Variants in PTPRD observed in about 807,000 individuals in gnomAD.
The protein encoded by PTPRD is receptor-type tyrosine-protein phosphatase delta.
Under a neutral mutation model 214.5 loss-of-function variants are expected in PTPRD, and 34 were observed. The ratio of observed to expected loss-of-function variants is 0.16; its 90% CI spans 0.12 to 0.21. The LOEUF (loss-of-function observed/expected upper bound fraction) is 0.21, where lower values mean the gene tolerates loss of function less well. PTPRD is among the 10% of genes least tolerant of loss of function. The pLI is 1.00. For missense variants in PTPRD, 2,545 were observed against 2,398.7 expected (o/e 1.06, Z -1.27); for synonymous variants, 1,128 against 845.7 (o/e 1.33, Z -5.79).
chr9:9,806,137 G>A (rs1018637213), intron 5 of PTPRD, among the ~76,000 whole-genome samples: 13 of 152,090 alleles, frequency 8.5e-5, no homozygotes, highest in African/African-American at 3.1e-4. Flanking sequence ...AAGGTTGCTG[G>A]TGTTAGAGTA....
At position 9,486,097 on chromosome 9, in the gene PTPRD, G is replaced by C. The variant is rs775182551; in HGVS notation, c.-236-88615C>G. 2.4e-4 allele frequency among the ~76,000 whole-genome samples: 31 copies of C among 130,340 alleles called. 1 individual carries two copies. Among genetic ancestry groups the C allele is most frequent in the Non-Finnish European group, 4.2e-4 (27 of 64,288 alleles). The allele number at this position is 130,340 out of a possible 152,430, so 85.5% of individuals were successfully genotyped here. On this transcript the variant is annotated intron_variant, in intron 8 of 45. Coordinates refer to ENST00000381196, the MANE Select transcript of PTPRD (RefSeq NM_002839.4). ...ATCCAGGAGGTGGATGTTGTGGTGA[G>C]TCGAGATCACGCCACTGCACTCCAG...
chr9:8,568,204 T>C (rs1457339662), intron 14 of PTPRD, among the ~76,000 whole-genome samples: 2 of 152,202 alleles, frequency 1.3e-5, no homozygotes, highest in South Asian at 2.1e-4. Flanking sequence ...ATTGCAGAGA[T>C]GCTAAGTTAC....
intron 2 of PTPRD, among the ~76,000 whole-genome samples, chr9:10,529,324 G>A (rs1221525857): frequency 6.6e-6 from 1 of 152,018 alleles, no homozygotes; most frequent in Non-Finnish European, 1.5e-5. Context: ...CAACCCAATT[G>A]CCCATCAAGG....
chr9:10,395,781 A>T (rs1307043337), intron 2 of PTPRD, among the ~76,000 whole-genome samples: 1 of 151,942 alleles, frequency 6.6e-6, no homozygotes, highest in Non-Finnish European at 1.5e-5. Flanking sequence ...ACCTGAATGA[A>T]GTGTAATAAT....
intron 3 of PTPRD, among the ~76,000 whole-genome samples, chr9:10,053,205 C>A (rs2097564939): frequency 6.6e-6 from 1 of 152,094 alleles, no homozygotes; most frequent in Admixed American, 6.6e-5. Context: ...TGTTAATAAA[C>A]AAAGATGACC....
intron 3 of PTPRD, among the ~76,000 whole-genome samples, chr9:10,135,943 T>TAA (rs3075566): frequency 7.0e-6 from 1 of 142,090 alleles, no homozygotes. Context: ...TAAGTTGAAT[T>TAA]AAAAAAAAAA....
chr9:8,995,874 A>T (rs2099394644), intron 11 of PTPRD, among the ~76,000 whole-genome samples: 1 of 152,090 alleles, frequency 6.6e-6, no homozygotes, highest in Non-Finnish European at 1.5e-5. Context: ...TTACAGAAAA[A>T]GTTCAAAGAG....
chr9:8,855,797 C>T (rs896437306), intron 11 of PTPRD, among the ~76,000 whole-genome samples: 1 of 152,188 alleles, frequency 6.6e-6, no homozygotes, highest in African/African-American at 2.4e-5. Flanking sequence ...CCCTTGCTGT[C>T]CTTCCTTCAC....
chr9:8,469,355 C>A (rs2096608345), intron 31 of PTPRD, among the ~76,000 whole-genome samples: 1 of 152,040 alleles, frequency 6.6e-6, no homozygotes, highest in Admixed American at 6.6e-5. Flanking sequence ...TATTTGATGT[C>A]ATTCTGGCTT....
In PTPRD at chr9:9,979,597, T is replaced by C. The variant is rs184067538; in HGVS notation, c.-471-40987A>G. On this transcript the variant is annotated intron_variant, in intron 4 of 45. Transcript: ENST00000381196. The stretch of plus-strand genomic sequence containing the variant: ...CATATAAGTAGAACAATGATCTCAA[T>C]TGGAAGATTCAAAGCAATCACCATA... Among the ~76,000 whole-genome samples the C allele has an allele frequency of 2.5e-3, 380 of 152,256 alleles. 2 individuals are homozygous for C. Among genetic ancestry groups the C allele is most frequent in the African/African-American group, 8.6e-3 (359 of 41,564 alleles).
At chr9:10,214,614 G>A (rs1462098462) in intron 3 of PTPRD, among the ~76,000 whole-genome samples, 1 of 151,766 alleles carries the variant, frequency 6.6e-6, no homozygotes, top group African/African-American at 2.4e-5. Context: ...TTGCATATAG[G>A]GAAATTGGCT....
intron 11 of PTPRD, among the ~76,000 whole-genome samples, chr9:8,933,089 C>G (rs1167399931): frequency 6.6e-6 from 1 of 152,058 alleles, no homozygotes; most frequent in African/African-American, 2.4e-5. Context: ...CCTCATGGCA[C>G]AGTCCTTCAT....
intron 35 of PTPRD, among the ~76,000 whole-genome samples, chr9:8,422,297 T>C (rs182049138): frequency 1.3e-5 from 2 of 152,208 alleles, no homozygotes; most frequent in East Asian, 1.9e-4. Flanking sequence ...GTAAAATTCC[T>C]ACTTTATCAC....
chr9:9,152,532 T>C (rs909974351), intron 10 of PTPRD, among the ~76,000 whole-genome samples: 1 of 151,962 alleles, frequency 6.6e-6, no homozygotes, highest in African/African-American at 2.4e-5. Flanking sequence ...TAAAGACAAA[T>C]ATGTAAGAAA....
chr9:9,083,130 C>T (rs1438622297), intron 10 of PTPRD, among the ~76,000 whole-genome samples: 1 of 152,130 alleles, frequency 6.6e-6, no homozygotes, highest in Non-Finnish European at 1.5e-5. Flanking sequence ...CCGGAGGCAT[C>T]ACATTGCCTG....
chr9:10,481,473 C>T (rs1316316812), intron 2 of PTPRD, among the ~76,000 whole-genome samples: 1 of 152,044 alleles, frequency 6.6e-6, no homozygotes, highest in African/African-American at 2.4e-5. Flanking sequence ...AAAGACATAA[C>T]TGAGTAATGT....
At chr9:10,008,807 T>C (rs935289573) in intron 4 of PTPRD, among the ~76,000 whole-genome samples, 5 of 151,980 alleles carry the variant, frequency 3.3e-5, no homozygotes, top group Non-Finnish European at 1.5e-5. Context: ...AGTCAATCAG[T>C]AATTCTCTAT....
intron 11 of PTPRD, among the ~76,000 whole-genome samples, chr9:8,959,867 A>G (rs1168776874): frequency 2.0e-5 from 3 of 152,070 alleles, no homozygotes; most frequent in Admixed American, 6.6e-5. Context: ...GTTTTATAAA[A>G]TTAGTTAAAT....
chr9:9,771,026 G>C (rs2098747797), intron 5 of PTPRD, among the ~76,000 whole-genome samples: 1 of 152,124 alleles, frequency 6.6e-6, no homozygotes, highest in South Asian at 2.1e-4. Context: ...AAAGCAGATG[G>C]AAGTCAACAA....
Sources: gnomAD v4.1 joint callset for allele counts (sites outside exome capture counted in the v4.1 genomes callset) on GRCh38, gnomAD v4.1.1 for gene constraint, MANE v1.5 for transcripts, NCBI Gene and HGNC (gene_info 2026-07-23, HGNC 2026-07-21) for gene names.